Variants in QSER1 observed in about 807,000 individuals in gnomAD.
QSER1 encodes the protein glutamine and serine-rich protein 1.
A neutral mutation model predicts 158.5 loss-of-function variants in QSER1; 49 were observed. The observed-to-expected ratio is 0.31, with a 90% CI of 0.25 to 0.39. The LOEUF (loss-of-function observed/expected upper bound fraction) is 0.39. QSER1 is among the 10% of genes least tolerant of loss of function. The pLI is 1.00. For synonymous variants in QSER1, 650 were observed against 715.5 expected (o/e 0.91, Z 1.46); for missense variants, 1,754 against 2,010.3 (o/e 0.87, Z 2.44).
In QSER1 at chr11:32,941,390, C is replaced by G. The variant is rs569707644; in HGVS notation, c.4177+5955C>G. On this transcript the variant is annotated intron_variant, in intron 4 of 12. Coordinates refer to ENST00000650167, the MANE Select transcript of QSER1 (RefSeq NM_001076786.3). ...CAATGCTATCCCTCCCCCCTCCACCCCCCACAACAGTCCCCAGAGTGTGAT... is the reference window on the plus strand; with the variant it reads ...CAATGCTATCCCTCCCCCCTCCACCGCCCACAACAGTCCCCAGAGTGTGAT... Among the ~76,000 whole-genome samples the G allele has an allele frequency of 1.1e-4, 14 of 129,930 alleles. No individual in the cohort carries two copies. In the East Asian group the frequency reaches 2.5e-3, roughly 24 times the overall value. The allele number at this position is 129,930 out of a possible 152,430, so 85.2% of individuals were successfully genotyped here.
intron 1 of QSER1, among the ~76,000 whole-genome samples, chr11:32,912,421 A>G (rs538843538): frequency 7.9e-5 from 12 of 152,064 alleles, no homozygotes; most frequent in Non-Finnish European, 1.6e-4. Context: ...TTCTCTCTTT[A>G]AGGTTTGTTC....
At position 32,957,938 on chromosome 11, in the gene QSER1, A is replaced by G; in HGVS notation, c.4821A>G (p.Thr1607=). The G allele has an allele frequency of 2.5e-6, 4 of 1,614,180 alleles. No individual in the cohort carries two copies. Among genetic ancestry groups the G allele is most frequent in the South Asian group, 1.1e-5 (1 of 91,082 alleles). ...SDPLASKTTT[T]KAPSVKPKVK... is the part of the protein sequence containing the mutation. ...CTCTAGCATCAAAAACTACAACTACAAAAGCCCCTTCCGTGAAACCCAAAG... is the reference window on the plus strand; with the variant it reads ...CTCTAGCATCAAAAACTACAACTACGAAAGCCCCTTCCGTGAAACCCAAAG... The change falls in exon 8 of 13, where the codon ACA becomes ACG. Residue 1607 remains threonine, a synonymous_variant. Transcript: ENST00000650167.
At position 32,958,368 on chromosome 11, in the gene QSER1, T is replaced by C. The variant is rs538994575; in HGVS notation, c.4969+282T>C. 9.2e-5 allele frequency among the ~76,000 whole-genome samples: 14 copies of C among 152,070 alleles called. 1 individual carries two copies. The highest frequency in any genetic ancestry group is 1.5e-4 in the Non-Finnish European group (10 of 68,020). On this transcript the variant is annotated intron_variant, in intron 8 of 12. Coordinates refer to ENST00000650167, the MANE Select transcript of QSER1 (RefSeq NM_001076786.3). The stretch of plus-strand genomic sequence containing the variant: ...TAAGATGGAGGTTAGATCAGATGAT[T>C]ACTAAGAATCATCTAGTTCTAAACT...
chr11:32,921,409 T>C (rs1430572340), intron 1 of QSER1, among the ~76,000 whole-genome samples: 1 of 152,214 alleles, frequency 6.6e-6, no homozygotes, highest in East Asian at 1.9e-4. Context: ...CAAAATATTC[T>C]AAAATTAGAT....
rs1031505673 is a variant in QSER1, at chr11:32,935,343, A to C, written c.4085A>C (p.Glu1362Ala). 5.0e-6 allele frequency: 8 copies of C among 1,613,280 alleles called. No individual in the cohort carries two copies. Among genetic ancestry groups the C allele is most frequent in the Admixed American group, 1.7e-5 (1 of 59,970 alleles). The change falls in exon 4 of 13, where the codon GAA becomes GCA. Residue 1362 changes from glutamate to alanine, a missense_variant. Around this residue, in one of 2 missense-constraint regions of QSER1, gnomAD observed 1,707 missense variants for 1,919.6 expected, o/e 0.89. Coordinates refer to ENST00000650167, the MANE Select transcript of QSER1 (RefSeq NM_001076786.3). ...LEHLSSFSSD[E>A]DDPGYSQDAY... is the part of the protein sequence containing the mutation. ...CATTTATCTTCATTTTCTTCTGATGAAGATGATCCTGGATATAGTCAAGAT... is the reference window on the plus strand; with the variant it reads ...CATTTATCTTCATTTTCTTCTGATGCAGATGATCCTGGATATAGTCAAGAT...
rs374925533 is a variant in QSER1, at chr11:32,934,340, G to A, written c.3082G>A (p.Val1028Met). The A allele has an allele frequency of 1.9e-6, 3 of 1,613,822 alleles. No homozygotes were observed. The highest frequency in any genetic ancestry group is 1.7e-6 in the Non-Finnish European group (2 of 1,179,970). ...TCAGCAGTCATTAGATGTCAGGCATGTGACTTCAGATTTTAACTCTATGAC... is the reference window on the plus strand; with the variant it reads ...TCAGCAGTCATTAGATGTCAGGCATATGACTTCAGATTTTAACTCTATGAC... ...HFQQSLDVRH[V>M]TSDFNSMTAT... Residue 1028 changes from valine to methionine, a missense_variant, in exon 4 of 13, where the codon GTG becomes ATG. By Grantham distance (21) the Val-to-Met change is conservative (BLOSUM62 1). This residue lies in a region of QSER1 where 1,707 missense variants were observed against 1,919.6 expected (regional missense o/e 0.89). Transcript: ENST00000650167.
rs1261221987 is a variant in QSER1 at position 32,978,564 on chromosome 11, T to C, written c.*2090T>C. On this transcript the variant is annotated 3_prime_UTR_variant, in exon 13 of 13. Transcript: ENST00000650167. Reference sequence around the variant, plus strand: ...CACTAGCCACATTTTCTTCATGATATGCCTCGTGGCAAACAAAGATGTTTC... The same window carrying C: ...CACTAGCCACATTTTCTTCATGATACGCCTCGTGGCAAACAAAGATGTTTC... 1 of 152,272 alleles carries C rather than the reference T, an allele frequency of 6.6e-6. No homozygotes were observed. The highest frequency in any genetic ancestry group is 1.5e-5 in the Non-Finnish European group (1 of 68,050). The allele number at this position is 152,272 out of a possible 1,614,324, so 9.4% of individuals were successfully genotyped here. A position where few individuals can be genotyped will look rare whatever the true frequency, so the allele number is the denominator to read the frequency against.
At chr11:32,923,824 C>T (rs567379099) in intron 1 of QSER1, among the ~76,000 whole-genome samples, 18 of 152,026 alleles carry the variant, frequency 1.2e-4, no homozygotes, top group Middle Eastern at 6.8e-3. Flanking sequence ...AAAAATTAGC[C>T]GGGTGTGATG....
intron 1 of QSER1, among the ~76,000 whole-genome samples, chr11:32,901,731 G>C (rs1044401099): frequency 6.6e-6 from 1 of 152,168 alleles, no homozygotes; most frequent in African/African-American, 2.4e-5. Context: ...CAGAGCGTTG[G>C]TACTAGATTT....
chr11:32,975,695 C>T, intron 12 of QSER1: 1 of 1,109,464 alleles, frequency 9.0e-7, no homozygotes. Context: ...TTTGACATCT[C>T]ACTGCCTTAC....
At chr11:32,919,429 A>AC (rs1851873723) in intron 1 of QSER1, among the ~76,000 whole-genome samples, 1 of 152,044 alleles carries the variant, frequency 6.6e-6, no homozygotes, top group Admixed American at 6.6e-5. Flanking sequence ...TTTGTAGGAT[A>AC]CCCCTCTTTT....
chr11:32,952,773 G>A (rs1262605535), intron 4 of QSER1, among the ~76,000 whole-genome samples: 1 of 149,878 alleles, frequency 6.7e-6, no homozygotes, highest in Non-Finnish European at 1.5e-5. Flanking sequence ...TTTGTATTGG[G>A]GTATTCAGAT....
chr11:32,943,075 A>G (rs1343851333), intron 4 of QSER1, among the ~76,000 whole-genome samples: 1 of 150,814 alleles, frequency 6.6e-6, no homozygotes, highest in Non-Finnish European at 1.5e-5. Flanking sequence ...ATTTTTGCAC[A>G]TTGATTTTGT....
chr11:32,925,808 A>G (rs545490649), intron 1 of QSER1, among the ~76,000 whole-genome samples: 4 of 152,164 alleles, frequency 2.6e-5, no homozygotes, highest in African/African-American at 9.6e-5. Flanking sequence ...GATTACAGGC[A>G]TGAGCCACCA....
intron 8 of QSER1, among the ~76,000 whole-genome samples, chr11:32,964,178 T>C (rs1852681567): frequency 6.6e-6 from 1 of 152,100 alleles, no homozygotes; most frequent in Non-Finnish European, 1.5e-5. Flanking sequence ...TCTCACTATA[T>C]TGCCTGGGCT....
chr11:32,960,923 G>T (rs918832035), intron 8 of QSER1, among the ~76,000 whole-genome samples: 1 of 152,030 alleles, frequency 6.6e-6, no homozygotes, highest in African/African-American at 2.4e-5. Flanking sequence ...TTTGTTTCAG[G>T]ACTCCAATGG....
intron 5 of QSER1, 48 bp from the exon 6 acceptor site, chr11:32,955,248 A>G (rs1179396573): frequency 1.9e-6 from 2 of 1,036,978 alleles, no homozygotes; most frequent in African/African-American, 1.7e-5. Context: ...CTAAGATCTA[A>G]AATATGTTGC....
chr11:32,899,383 G>A (rs1851597085), intron 1 of QSER1, among the ~76,000 whole-genome samples: 1 of 152,164 alleles, frequency 6.6e-6, no homozygotes, highest in Non-Finnish European at 1.5e-5. Context: ...AGCAGGGTGG[G>A]GATATGGGCT....
At chr11:32,925,812 GCCA>G (rs1388876945) in intron 1 of QSER1, among the ~76,000 whole-genome samples, 2 of 152,060 alleles carry the variant, frequency 1.3e-5, no homozygotes, top group Non-Finnish European at 2.9e-5. Context: ...ACAGGCATGA[GCCA>G]CCACAACAGG....
Sources: gnomAD v4.1 joint callset for allele counts (sites outside exome capture counted in the v4.1 genomes callset) on GRCh38, gnomAD v4.1.1 for gene constraint, gnomAD v4.1.1 regional missense constraint, MANE v1.5 for transcripts, NCBI Gene and HGNC (gene_info 2026-07-23, HGNC 2026-07-21) for gene names.